The following TSNAXIP1 variants were observed in gnomAD, a reference collection of about 807,000 sequenced individuals.
The protein encoded by TSNAXIP1 is translin associated factor X interacting protein 1, also known as translin-associated factor X-interacting protein 1.
A neutral mutation model predicts 84.8 loss-of-function variants in TSNAXIP1; 89 were observed. The ratio of observed to expected loss-of-function variants is 1.05; its 90% CI spans 0.88 to 1.25. TSNAXIP1 has a LOEUF of 1.25. TSNAXIP1 is among the 50% of genes most tolerant of loss of function. TSNAXIP1 has a pLI of 0.00. For synonymous variants in TSNAXIP1, 347 were observed against 335.2 expected, an observed-to-expected ratio of 1.04 and a Z score of -0.39; for missense variants, 874 against 887.6, an observed-to-expected ratio of 0.98 and a Z score of 0.20.
Position 67,810,741 on chromosome 16 carries a change from C to CTT in TSNAXIP1, c.48-3548_48-3547dup, listed in dbSNP as rs759694744. Reference sequence around the variant, plus strand: ...AATATTTAATATAAAACATCTTAAACTTTTTTTTTTTTTTGAGATGGAGTG... The same window carrying CTT: ...AATATTTAATATAAAACATCTTAAACTTTTTTTTTTTTTTTTGAGATGGAGTG... On this transcript the variant is annotated intron_variant, in intron 1 of 15. Coordinates refer to ENST00000561639, the MANE Select transcript of TSNAXIP1 (RefSeq NM_001288990.3). 7.6e-5 allele frequency among the ~76,000 whole-genome samples: 11 copies of CTT among 145,262 alleles called. No individual in the cohort carries two copies. In the East Asian group the frequency reaches 1.0e-3, roughly 13 times the overall value.
rs2056366167 is a variant in TSNAXIP1 at position 67,814,349 on chromosome 16, C to T, written c.95C>T (p.Thr32Ile). 1 of 1,536,092 alleles carries T rather than the reference C, an allele frequency of 6.5e-7. No individual in the cohort carries two copies. The highest frequency in any genetic ancestry group is 8.7e-7 in the Non-Finnish European group (1 of 1,146,904). The change falls in exon 2 of 16, where the codon ACA becomes ATA. Residue 32 changes from threonine (T) to isoleucine (I), a missense_variant. By Grantham distance (89) the Thr-to-Ile change is moderately conservative. Coordinates refer to ENST00000561639, the MANE Select transcript of TSNAXIP1 (RefSeq NM_001288990.3). Reference sequence around the variant, plus strand: ...GTGACCATAGACGAATCCTTTCTCACAGAAGACAAGAGCACCCAGAATCGC... The same window carrying T: ...GTGACCATAGACGAATCCTTTCTCATAGAAGACAAGAGCACCCAGAATCGC... ...SGVTIDESFL[T>I]EDKSTQNRKL...
Position 67,827,246 on chromosome 16 carries a change from C to T in TSNAXIP1, c.1665-3C>T, listed in dbSNP as rs1485909683. On this transcript the variant is annotated splice_region_variant and splice_polypyrimidine_tract_variant and intron_variant, in intron 13 of 15. Coordinates refer to ENST00000561639, the MANE Select transcript of TSNAXIP1 (RefSeq NM_001288990.3). Reference sequence around the variant, plus strand: ...CCTGTTGGCCCTCATGTCTCCCCTACAGCACTGTCCTCAAGAGTACCTTCC... The same window carrying T: ...CCTGTTGGCCCTCATGTCTCCCCTATAGCACTGTCCTCAAGAGTACCTTCC... 4 of 1,614,004 alleles carry T rather than the reference C, an allele frequency of 2.5e-6. No individual in the cohort carries two copies. The East Asian group carries it at 6.7e-5, about 27-fold the overall frequency.
chr16:67,817,915 TA>T (rs2056722403), intron 2 of TSNAXIP1, among the ~76,000 whole-genome samples: 1 of 137,216 alleles, frequency 7.3e-6, no homozygotes, highest in East Asian at 2.3e-4. Context: ...AAACAAATAA[TA>T]AAAAATAGTC....
chr16:67,816,947 C>CTTT (rs539347982), intron 2 of TSNAXIP1, among the ~76,000 whole-genome samples: 1 of 140,220 alleles, frequency 7.1e-6, no homozygotes, highest in Non-Finnish European at 1.6e-5. Context: ...GAGGACTGGT[C>CTTT]TTTTTTTTTT....
At position 67,814,356 on chromosome 16, in the gene TSNAXIP1, CAA is replaced by C; in HGVS notation, c.103_104del (p.Lys35GlufsTer46). ...TIDESFLTED[K>X]STQNRKLLQK... ...TAGACGAATCCTTTCTCACAGAAGA[CAA>C]GAGCACCCAGAATCGCAAGCTTCTT... On this transcript the variant is annotated frameshift_variant, in exon 2 of 16. Coordinates refer to ENST00000561639, the MANE Select transcript of TSNAXIP1 (RefSeq NM_001288990.3). LOFTEE classifies it high-confidence loss of function. The C allele has an allele frequency of 2.0e-6, 3 of 1,536,096 alleles. No homozygotes were observed. The highest frequency in any genetic ancestry group is 1.7e-6 in the Non-Finnish European group (2 of 1,146,908).
chr16:67,822,172 G>T (rs919906294), intron 4 of TSNAXIP1, among the ~76,000 whole-genome samples: 2 of 146,738 alleles, frequency 1.4e-5, no homozygotes, highest in African/African-American at 5.1e-5. Context: ...CCAGCTGCTC[G>T]GGAGGCTGAG....
rs1050877727 is a variant in TSNAXIP1 at position 67,814,370 on chromosome 16, A to G, written c.116A>G (p.Asn39Ser). ...CTCACAGAAGACAAGAGCACCCAGA[A>G]TCGCAAGCTTCTTCAGAAACGAAGG... The part of the protein sequence containing the change: ...SFLTEDKSTQ[N>S]RKLLQKRRTL... Residue 39 changes from asparagine to serine, a missense_variant, in exon 2 of 16, where the codon AAT (asparagine) becomes AGT (serine). By Grantham distance (46) the Asn-to-Ser change is conservative. Transcript: ENST00000561639. 1.1e-4 allele frequency: 166 copies of G among 1,535,972 alleles called. No individual in the cohort carries two copies. Among genetic ancestry groups the G allele is most frequent in the Non-Finnish European group, 1.4e-4 (157 of 1,146,912 alleles).
At chr16:67,815,313 C>CAAA (rs561529036) in intron 2 of TSNAXIP1, among the ~76,000 whole-genome samples, 18 of 49,782 alleles carry the variant, frequency 3.6e-4, no homozygotes, top group East Asian at 7.4e-4. Flanking sequence ...GACTACATCT[C>CAAA]AAAAAAAAAA....
chr16:67,817,516 G>A (rs1226266145), intron 2 of TSNAXIP1, among the ~76,000 whole-genome samples: 1 of 148,990 alleles, frequency 6.7e-6, no homozygotes, highest in East Asian at 2.0e-4. Flanking sequence ...TCCTGACCTC[G>A]TGATTTGCCC....
chr16:67,811,069 G>T (rs180927325), intron 1 of TSNAXIP1, among the ~76,000 whole-genome samples: 1 of 150,912 alleles, frequency 6.6e-6, no homozygotes, highest in African/African-American at 2.4e-5. Context: ...CTATCCTCCC[G>T]CCTCTTAGCC....
At chr16:67,812,280 A>C (rs1306758538) in intron 1 of TSNAXIP1, among the ~76,000 whole-genome samples, 2 of 152,104 alleles carry the variant, frequency 1.3e-5, no homozygotes, top group African/African-American at 4.8e-5. Context: ...GGCTGTTCTA[A>C]GAGGCTTTTC....
intron 1 of TSNAXIP1, among the ~76,000 whole-genome samples, chr16:67,810,272 TC>T (rs992551160): frequency 6.6e-6 from 1 of 152,182 alleles, no homozygotes; most frequent in Non-Finnish European, 1.5e-5. Context: ...CAGCTTGCGT[TC>T]ACTGAATACC....
intron 4 of TSNAXIP1, among the ~76,000 whole-genome samples, chr16:67,822,422 T>C (rs1381926275): frequency 1.3e-5 from 2 of 152,066 alleles, no homozygotes; most frequent in Non-Finnish European, 2.9e-5. Context: ...TGATCCCCAG[T>C]ACCCAGGTTG....
chr16:67,821,569 C>T (rs1174165598), intron 4 of TSNAXIP1, among the ~76,000 whole-genome samples: 1 of 151,804 alleles, frequency 6.6e-6, no homozygotes, highest in African/African-American at 2.4e-5. Flanking sequence ...AAGAGTGAGA[C>T]TCCGTCTCAA....
At chr16:67,827,428 G>T in intron 14 of TSNAXIP1, 45 bp from the exon 15 acceptor site, 7 of 1,614,094 alleles carry the variant, frequency 4.3e-6, no homozygotes, top group South Asian at 1.1e-5. Context: ...GCCTTGGCTG[G>T]ACCCTACCCA....
chr16:67,827,948 T>C lies in TSNAXIP1; in HGVS notation c.2094T>C (p.Ile698=), dbSNP rs1350862853. Residue 698 remains isoleucine, a synonymous_variant, in exon 16 of 16, where the codon ATT becomes ATC. Transcript: ENST00000561639. ...CTGCCCTGGAGCGGCTTCAGGTGAT[T>C]GACATCAGGCGTGTGGGACCTCGAG... ...LQTALERLQV[I]DIRRVGPREP... 1 of 1,613,688 alleles carries C rather than the reference T, an allele frequency of 6.2e-7. No individual in the cohort carries two copies. Among genetic ancestry groups the C allele is most frequent in the African/African-American group, 1.3e-5 (1 of 75,010 alleles).
At position 67,826,561 on chromosome 16, in the gene TSNAXIP1, A is replaced by G. The variant is rs1291477181; in HGVS notation, c.1400A>G (p.Gln467Arg). Residue 467 changes from glutamine (Q) to arginine (R), a missense_variant and splice_region_variant, in exon 11 of 16, where the codon CAG becomes CGG. Transcript: ENST00000561639. Reference protein sequence around the residue: ...DAWKERLAEEQKETFPDFFFN... With the variant: ...DAWKERLAEERKETFPDFFFN... ...TGGAAGGAACGTCTTGCTGAGGAGC[A>G]GGTCAGATCTCACCAGCCACTCTGG... 4 of 1,614,054 alleles carry G rather than the reference A, an allele frequency of 2.5e-6. No individual in the cohort carries two copies. The highest frequency in any genetic ancestry group is 3.4e-6 in the Non-Finnish European group (4 of 1,180,022).
chr16:67,816,787 T>C (rs2056587892), intron 2 of TSNAXIP1, among the ~76,000 whole-genome samples: 1 of 151,988 alleles, frequency 6.6e-6, no homozygotes, highest in Non-Finnish European at 1.5e-5. Context: ...CCGGGAGCAC[T>C]GCGTTCCAGC....
chr16:67,826,313 C>A (rs374177357), intron 10 of TSNAXIP1, 31 bp downstream of exon 10: 160 of 1,581,770 alleles, frequency 1.0e-4, no homozygotes, highest in Middle Eastern at 3.7e-4. Flanking sequence ...GGGGCTTGGG[C>A]CAGAGTCAGA....
Sources: gnomAD v4.1 joint callset for allele counts (sites outside exome capture counted in the v4.1 genomes callset) on GRCh38, gnomAD v4.1.1 for gene constraint, MANE v1.5 for transcripts, NCBI Gene and HGNC (gene_info 2026-07-23, HGNC 2026-07-21) for gene names.